Variants in HYOU1 observed in about 807,000 individuals in gnomAD.
The protein encoded by HYOU1 is hypoxia up-regulated protein 1.
HYOU1 carries 40 observed loss-of-function variants against 120.5 expected under a neutral mutation model. That is an observed-to-expected ratio of 0.33 (90% CI 0.26 to 0.43). The LOEUF is 0.43. Ranked by LOEUF, HYOU1 falls within the 20% of genes least tolerant of loss-of-function variation. The probability of loss-of-function intolerance (pLI) is 1.00; values close to 1 mark genes in which losing one functional copy is unlikely to be tolerated. For missense variants in HYOU1, 1,085 were observed against 1,278.3 expected (o/e 0.85, Z 2.31); for synonymous variants, 501 against 479.4 (o/e 1.05, Z -0.59).
intron 7 of HYOU1, 102 bp downstream of exon 7, chr11:119,054,392 A>C: frequency 7.5e-7 from 1 of 1,338,808 alleles, no homozygotes; most frequent in Non-Finnish European, 1.1e-6. Flanking sequence ...CATTTTGCCA[A>C]GGGTCAGCCC....
In HYOU1 at chr11:119,048,923, C is replaced by G. The variant is rs782439445; in HGVS notation, c.1993-37G>C. 1 of 1,606,140 alleles carries G rather than the reference C, an allele frequency of 6.2e-7. No individual in the cohort carries two copies. The highest frequency in any genetic ancestry group is 1.3e-5 in the African/African-American group (1 of 74,658). The stretch of plus-strand genomic sequence containing the variant: ...GAGTCAGGGGTGTCAGGAAAAGCCT[C>G]TGCCCTCCTACATTCTCCACAAGGC... On this transcript the variant is annotated intron_variant, in intron 17 of 25. Coordinates refer to ENST00000617285, the MANE Select transcript of HYOU1 (RefSeq NM_006389.5). This position sits in a 1 kb window ranked among gnomAD's most constrained non-coding sequence, Gnocchi z 4.7.
chr11:119,047,403 C>T (rs1010224972), intron 22 of HYOU1: 4 of 304,090 alleles, frequency 1.3e-5, no homozygotes, highest in African/African-American at 6.6e-5. Flanking sequence ...AGTCCCCACA[C>T]ATCCAAAACA....
chr11:119,052,069 C>A lies in HYOU1; in HGVS notation c.1205+21G>T, dbSNP rs2133589894. The A allele has an allele frequency of 1.4e-5, 23 of 1,614,036 alleles. No individual in the cohort carries two copies. In the South Asian group the frequency reaches 2.3e-4, roughly 16 times the overall value. The stretch of plus-strand genomic sequence containing the variant: ...CTGCCCCAGGCAGAACTCAGCCAAG[C>A]GCTCTAGCCCCCACACTCACTTGCC... On this transcript the variant is annotated intron_variant, in intron 11 of 25. Transcript: ENST00000617285. This position sits in a 1 kb window ranked among gnomAD's most constrained non-coding sequence, Gnocchi z 5.0.
At chr11:119,056,862 G>A (rs1216010792) in intron 1 of HYOU1, 158 bp downstream of exon 1, 2 of 171,686 alleles carry the variant, frequency 1.2e-5, no homozygotes, top group Non-Finnish European at 2.5e-5. Context: ...CCCAGCAAGT[G>A]GGGACAGACC....
rs547941269 is a variant in HYOU1 at position 119,044,531 on chromosome 11, C to G, written c.*1062G>C. The G allele has an allele frequency of 2.5e-4, 39 of 154,052 alleles. No individual in the cohort carries two copies. The East Asian group carries it at 6.7e-3, about 27-fold the overall frequency. 9.5% of individuals were successfully genotyped at this position (154,052 alleles called of 1,614,324 possible). On this transcript the variant is annotated 3_prime_UTR_variant, in exon 26 of 26. Coordinates refer to ENST00000617285, the MANE Select transcript of HYOU1 (RefSeq NM_006389.5). ...GCCCCCAACCTAGCAGAGTGATGCA[C>G]AGAGGAAGGCCAGCCCTGACCCTCC...
chr11:119,055,871 G>T lies in HYOU1; in HGVS notation c.92-28C>A. The T allele has an allele frequency of 3.8e-6, 6 of 1,588,600 alleles. No individual in the cohort carries two copies. Among genetic ancestry groups the T allele is most frequent in the Non-Finnish European group, 5.2e-6 (6 of 1,156,646 alleles). ...GAAGGGAAAAGAGGTTTGTCAGTTA[G>T]CTCTCCCTTCGCCCACCTTCCTGGG... On this transcript the variant is annotated intron_variant, in intron 2 of 25. Transcript: ENST00000617285. The surrounding 1 kb of genome is among the most constrained non-coding windows in gnomAD (Gnocchi z 4.0).
chr11:119,047,617 C>T, intron 22 of HYOU1, 117 bp downstream of exon 22: 1 of 842,230 alleles, frequency 1.2e-6, no homozygotes, highest in African/African-American at 1.7e-5. Context: ...CATCTTTTGT[C>T]TTCAGGTTAG....
At chr11:119,050,717 CT>C (rs1565713368) in intron 14 of HYOU1, among the ~76,000 whole-genome samples, 1 of 53,314 alleles carries the variant, frequency 1.9e-5, no homozygotes, top group Non-Finnish European at 3.2e-5. Flanking sequence ...CCAAGACCCT[CT>C]CCAAAAAAAA....
chr11:119,044,818 T>G lies in HYOU1; in HGVS notation c.*775A>C, dbSNP rs953518507. 17 of 250,460 alleles carry G rather than the reference T, an allele frequency of 6.8e-5. No individual in the cohort carries two copies. Among genetic ancestry groups the G allele is most frequent in the African/African-American group, 3.7e-4 (17 of 45,510 alleles). 15.5% of individuals were successfully genotyped at this position (250,460 alleles called of 1,614,324 possible). A position where few individuals can be genotyped will look rare whatever the true frequency, so the allele number is the denominator to read the frequency against. On this transcript the variant is annotated 3_prime_UTR_variant, in exon 26 of 26. Coordinates refer to ENST00000617285, the MANE Select transcript of HYOU1 (RefSeq NM_006389.5). ...GATTATGACAGAGCTTGCACGATGC[T>G]GGCACCCCATGCCAACCACTCTACG... is the stretch of plus-strand genomic sequence containing the variant.
rs1197131967 is a variant in HYOU1 at position 119,044,247 on chromosome 11, T to C, written c.*1346A>G. 6.8e-6 allele frequency: 1 copy of C among 147,948 alleles called. No individual in the cohort carries two copies. The highest frequency in any genetic ancestry group is 2.5e-5 in the African/African-American group (1 of 39,560). 9.2% of individuals were successfully genotyped at this position (147,948 alleles called of 1,614,324 possible). A position where few individuals can be genotyped will look rare whatever the true frequency, so the allele number is the denominator to read the frequency against. The stretch of plus-strand genomic sequence containing the variant: ...AATTAACAATGGAGCAAAGTACAAT[T>C]TGACTCAAACCTGTCCAACCAGCAT... On this transcript the variant is annotated 3_prime_UTR_variant, in exon 26 of 26. Transcript: ENST00000617285.
chr11:119,048,908 T>A lies in HYOU1; in HGVS notation c.1993-22A>T. The A allele has an allele frequency of 6.2e-7, 1 of 1,603,800 alleles. No individual in the cohort carries two copies. Among genetic ancestry groups the A allele is most frequent in the Non-Finnish European group, 8.5e-7 (1 of 1,175,464 alleles). ...GTTTCTGGGTGGGAAGAGTCAGGGG[T>A]GTCAGGAAAAGCCTCTGCCCTCCTA... On this transcript the variant is annotated intron_variant, in intron 17 of 25. Coordinates refer to ENST00000617285, the MANE Select transcript of HYOU1 (RefSeq NM_006389.5). This position sits in a 1 kb window ranked among gnomAD's most constrained non-coding sequence, Gnocchi z 4.7.
At chr11:119,050,041 C>G (rs939203452) in intron 14 of HYOU1, among the ~76,000 whole-genome samples, 1 of 152,198 alleles carries the variant, frequency 6.6e-6, no homozygotes, top group African/African-American at 2.4e-5. Context: ...TCCTCTTTCT[C>G]CAAAGAGCCC....
In HYOU1 at chr11:119,048,354, G is replaced by C. The variant is rs2133563129; in HGVS notation, c.2270C>G (p.Pro757Arg). ...IFETQDKLYQ[P>R]EYQEVSTEEQ... ...CTCTGTGGACACTTCCTGGTACTCG[G>C]GCTGGTACAGCTTGTCCTGGGGAGG... The change falls in exon 20 of 26, where the codon CCC becomes CGC. Residue 757 changes from proline (P) to arginine (R), a missense_variant. Physicochemically the swap from Pro to Arg is moderately radical, Grantham distance 103. This residue lies in a region of HYOU1 where 516 missense variants were observed against 517.1 expected (regional missense o/e 1.00). Transcript: ENST00000617285. This position sits in a 1 kb window ranked among gnomAD's most constrained non-coding sequence, Gnocchi z 4.7. The C allele has an allele frequency of 5.6e-6, 9 of 1,609,426 alleles. No homozygotes were observed. The highest frequency in any genetic ancestry group is 6.8e-6 in the Non-Finnish European group (8 of 1,179,942).
rs2133588224 is a variant in HYOU1, at chr11:119,051,834, C to G, written c.1323G>C (p.Val441=). ...GCTCACTCACCAGGATGGGGTAGAC[C>G]ACTGCATCTCGGACGACAAATGGCT... ...KVKPFVVRDA[V]VYPILVEFTR... Residue 441 remains valine (V), a synonymous_variant, in exon 12 of 26, where the codon GTG becomes GTC. Transcript: ENST00000617285. The surrounding 1 kb of genome is among the most constrained non-coding windows in gnomAD (Gnocchi z 4.2). The G allele has an allele frequency of 6.2e-7, 1 of 1,614,124 alleles. No homozygotes were observed. Among genetic ancestry groups the G allele is most frequent in the South Asian group, 1.1e-5 (1 of 91,084 alleles).
rs1943948915 is a variant in HYOU1, at chr11:119,044,295, A to G, written c.*1298T>C. Reference sequence around the variant, plus strand: ...CATCAACAGCTACTGAAAGAATTCAAACATACAGAAGAGGTGGGGGTGGGG... The same window carrying G: ...CATCAACAGCTACTGAAAGAATTCAGACATACAGAAGAGGTGGGGGTGGGG... On this transcript the variant is annotated 3_prime_UTR_variant, in exon 26 of 26. Coordinates refer to ENST00000617285, the MANE Select transcript of HYOU1 (RefSeq NM_006389.5). 1 of 146,200 alleles carries G rather than the reference A, an allele frequency of 6.8e-6. No individual in the cohort carries two copies. Among genetic ancestry groups the G allele is most frequent in the Non-Finnish European group, 1.5e-5 (1 of 66,060 alleles). The allele number at this position is 146,200 out of a possible 1,614,324, so 9.1% of individuals were successfully genotyped here. A position where few individuals can be genotyped will look rare whatever the true frequency, so the allele number is the denominator to read the frequency against.
chr11:119,048,823 T>G lies in HYOU1; in HGVS notation c.2056A>C (p.Lys686Gln), dbSNP rs2133567575. Residue 686 changes from lysine (K) to glutamine (Q), a missense_variant, in exon 18 of 26, where the codon AAG (lysine) becomes CAG (glutamine). By Grantham distance (53) the Lys-to-Gln change is moderately conservative (BLOSUM62 1). Around this residue, in one of 4 missense-constraint regions of HYOU1, gnomAD observed 516 missense variants for 517.1 expected, o/e 1.00. Transcript: ENST00000617285. This position sits in a 1 kb window ranked among gnomAD's most constrained non-coding sequence, Gnocchi z 4.7. ...CGCCGCTTCCTGGCGGGCTTCTGCT[T>G]CTTCTCTCCCTCTGGGGCTGGAGCG... ...GVAPAPEGEK[K>Q]QKPARKRRMV... The G allele has an allele frequency of 3.0e-5, 49 of 1,613,834 alleles. No homozygotes were observed. The highest frequency in any genetic ancestry group is 4.5e-5 in the East Asian group (2 of 44,880).
At chr11:119,054,922 G>T in intron 6 of HYOU1, 62 bp downstream of exon 6, 1 of 1,527,918 alleles carries the variant, frequency 6.5e-7, no homozygotes, top group African/African-American at 1.4e-5. Flanking sequence ...TGCCCCTGTT[G>T]GAGAATCACT....
Position 119,054,974 on chromosome 11 carries a change from G to C in HYOU1, c.496+10C>G, listed in dbSNP as rs2133609165. ...AGCCTGGCCCTAAGGGCCCCACCTTGACCACTCACCTGCAAAATCTTCAGC... is the reference window on the plus strand; with the variant it reads ...AGCCTGGCCCTAAGGGCCCCACCTTCACCACTCACCTGCAAAATCTTCAGC... On this transcript the variant is annotated intron_variant, in intron 6 of 25. Coordinates refer to ENST00000617285, the MANE Select transcript of HYOU1 (RefSeq NM_006389.5). The C allele has an allele frequency of 1.9e-6, 3 of 1,613,284 alleles. No homozygotes were observed. The highest frequency in any genetic ancestry group is 2.5e-6 in the Non-Finnish European group (3 of 1,179,788).
rs2133594515 is a variant in HYOU1, at chr11:119,052,670, G to A, written c.954C>T (p.Thr318=). 37 of 1,613,912 alleles carry A rather than the reference G, an allele frequency of 2.3e-5. No individual in the cohort carries two copies. The Admixed American group carries it at 4.3e-4, about 19-fold the overall frequency. Reference sequence around the variant, plus strand: ...TGTGGTCAGCGTTGGCACTGAGGACGGTTTTGAGCCGATTAGCCTCACGCA... The same window carrying A: ...TGTGGTCAGCGTTGGCACTGAGGACAGTTTTGAGCCGATTAGCCTCACGCA... ...KLLREANRLK[T]VLSANADHMA... The change falls in exon 9 of 26, where the codon ACC becomes ACT. Residue 318 remains threonine, a synonymous_variant. Transcript: ENST00000617285. This position sits in a 1 kb window ranked among gnomAD's most constrained non-coding sequence, Gnocchi z 5.0.
Sources: allele counts gnomAD v4.1 joint callset (sites outside exome capture counted in the v4.1 genomes callset), GRCh38; gene constraint gnomAD v4.1.1; regional missense constraint gnomAD v4.1.1; non-coding constraint Gnocchi (gnomAD v3.1); transcripts MANE v1.5; gene names NCBI Gene and HGNC (gene_info 2026-07-23, HGNC 2026-07-21).